CHODL: variants seen among roughly 807,000 people sequenced by gnomAD.
The protein encoded by CHODL is transmembrane protein MT75.
A neutral mutation model predicts 34.5 loss-of-function variants in CHODL; 29 were observed. The ratio of observed to expected loss-of-function variants is 0.84; its 90% CI spans 0.63 to 1.15. The LOEUF (loss-of-function observed/expected upper bound fraction) is 1.15, where lower values mean the gene tolerates loss of function less well. CHODL is among the 50% of genes most tolerant of loss of function. The probability of loss-of-function intolerance (pLI) is 0.00; values close to 1 mark genes in which losing one functional copy is unlikely to be tolerated. For missense variants in CHODL, 332 were observed against 332.5 expected (o/e 1.00, Z 0.01); for synonymous variants, 125 against 116.1 (o/e 1.08, Z -0.49).
intron 1 of CHODL, among the ~76,000 whole-genome samples, chr21:17,974,413 C>T (rs1266809795): frequency 6.6e-6 from 1 of 152,132 alleles, no homozygotes; most frequent in African/African-American, 2.4e-5. Context: ...GCTGGGATTA[C>T]AGGCTCGTGC....
chr21:17,983,711 G>A (rs554910166), intron 1 of CHODL, among the ~76,000 whole-genome samples: 14 of 152,044 alleles, frequency 9.2e-5, no homozygotes, highest in African/African-American at 3.4e-4. Context: ...CTGTTTCTTT[G>A]GAATTCTTTG....
intron 1 of CHODL, among the ~76,000 whole-genome samples, chr21:17,985,901 C>T (rs1600859744): frequency 1.3e-5 from 2 of 152,134 alleles, no homozygotes; most frequent in African/African-American, 2.4e-5. Context: ...GATTCACTGT[C>T]TGATGAGGGC....
chr21:18,049,438 A>C (rs1241716380), intron 2 of CHODL, among the ~76,000 whole-genome samples: 1 of 152,020 alleles, frequency 6.6e-6, no homozygotes, highest in African/African-American at 2.4e-5. Context: ...CAGATGTATA[A>C]CAATACTACT....
At chr21:18,222,941 A>G (rs2073898298) in intron 2 of CHODL, among the ~76,000 whole-genome samples, 2 of 152,238 alleles carry the variant, frequency 1.3e-5, no homozygotes, top group Non-Finnish European at 2.9e-5. Context: ...CTCCGCCAGT[A>G]CAGTCCCATA....
chr21:18,174,157 A>G (rs8133554), intron 2 of CHODL, among the ~76,000 whole-genome samples: 7,120 of 87,798 alleles, frequency 0.081, 754 homozygotes, highest in East Asian at 0.17. Context: ...ATATATATAT[A>G]TATAAAATCA....
At chr21:18,130,898 A>G (rs917136228) in intron 2 of CHODL, among the ~76,000 whole-genome samples, 8 of 152,084 alleles carry the variant, frequency 5.3e-5, no homozygotes, top group African/African-American at 1.9e-4. Flanking sequence ...ACCCTTATTT[A>G]TTTTGTTAAA....
intron 3 of CHODL, among the ~76,000 whole-genome samples, chr21:18,258,746 T>G (rs1479718531): frequency 6.6e-6 from 1 of 152,068 alleles, no homozygotes; most frequent in Non-Finnish European, 1.5e-5. Flanking sequence ...GCTCAGGATT[T>G]TTATTTTTTA....
intron 2 of CHODL, among the ~76,000 whole-genome samples, chr21:18,028,432 C>A (rs967336351): frequency 5.9e-5 from 9 of 151,812 alleles, no homozygotes; most frequent in Non-Finnish European, 1.0e-4. Flanking sequence ...CACGGTGGCT[C>A]ACGCCTGTAA....
chr21:18,042,827 T>C (rs1281698196), intron 2 of CHODL, among the ~76,000 whole-genome samples: 1 of 151,978 alleles, frequency 6.6e-6, no homozygotes. Context: ...ATGTGTCAGC[T>C]TTGGTCATTA....
chr21:18,182,818 TATTCTGTC>T (rs997351552), intron 2 of CHODL, among the ~76,000 whole-genome samples: 1 of 152,210 alleles, frequency 6.6e-6, no homozygotes, highest in African/African-American at 2.4e-5. Flanking sequence ...AATCCCTGTT[TATTCTGTC>T]ATTCTGTGGA....
chr21:18,163,570 G>A (rs185871931), intron 2 of CHODL, among the ~76,000 whole-genome samples: 2 of 152,194 alleles, frequency 1.3e-5, no homozygotes, highest in Admixed American at 6.5e-5. Flanking sequence ...AATGGGTACT[G>A]GGTTATTATC....
intron 1 of CHODL, among the ~76,000 whole-genome samples, chr21:17,938,720 T>C (rs1264903051): frequency 1.3e-5 from 2 of 152,046 alleles, no homozygotes; most frequent in African/African-American, 4.8e-5. Flanking sequence ...CCTCGTGATC[T>C]ACCTGCCTGT....
intron 2 of CHODL, among the ~76,000 whole-genome samples, chr21:18,121,271 T>G (rs2065475834): frequency 6.6e-6 from 1 of 152,180 alleles, no homozygotes; most frequent in Non-Finnish European, 1.5e-5. Flanking sequence ...ACATTAACAC[T>G]AATGATAGCT....
At chr21:18,253,601 T>C (rs1253990258) in intron 1 of CHODL, among the ~76,000 whole-genome samples, 2 of 152,160 alleles carry the variant, frequency 1.3e-5, no homozygotes, top group Admixed American at 6.6e-5. Flanking sequence ...TTTTAAATGA[T>C]GAAATCATCA....
At chr21:18,112,146 T>A (rs1378006003) in intron 2 of CHODL, among the ~76,000 whole-genome samples, 2 of 152,130 alleles carry the variant, frequency 1.3e-5, no homozygotes, top group Non-Finnish European at 2.9e-5. Context: ...TAATTGCTAG[T>A]CGAGGTATGT....
intron 2 of CHODL, among the ~76,000 whole-genome samples, chr21:18,149,325 A>C (rs550807993): frequency 2.0e-5 from 3 of 152,228 alleles, no homozygotes; most frequent in African/African-American, 7.2e-5. Flanking sequence ...CTGTTTCTCC[A>C]TGAGATGAAA....
At chr21:17,963,019 G>A (rs185667583) in intron 1 of CHODL, among the ~76,000 whole-genome samples, 52 of 150,202 alleles carry the variant, frequency 3.5e-4, no homozygotes, top group African/African-American at 8.9e-4. Context: ...AGCTGAGATC[G>A]CACCACTGCA....
intron 2 of CHODL, among the ~76,000 whole-genome samples, chr21:18,142,458 G>A (rs1436598153): frequency 2.6e-5 from 4 of 152,034 alleles, no homozygotes; most frequent in South Asian, 2.1e-4. Context: ...CTACAATGTT[G>A]GTATTCTTAA....
chr21:18,121,419 T>G (rs1305642217), intron 2 of CHODL, among the ~76,000 whole-genome samples: 1 of 152,214 alleles, frequency 6.6e-6, no homozygotes, highest in Non-Finnish European at 1.5e-5. Flanking sequence ...CAGTACTGAC[T>G]ATGCCTACAA....
Sources: gnomAD v4.1 joint callset for allele counts (sites outside exome capture counted in the v4.1 genomes callset) on GRCh38, gnomAD v4.1.1 for gene constraint, MANE v1.5 for transcripts, NCBI Gene and HGNC (gene_info 2026-07-23, HGNC 2026-07-21) for gene names.